The following REV3L variants were observed in gnomAD, a reference collection of about 807,000 sequenced individuals.
REV3L encodes the protein DNA polymerase zeta catalytic subunit.
A neutral mutation model predicts 299.4 loss-of-function variants in REV3L; 69 were observed. The ratio of observed to expected loss-of-function variants is 0.23; its 90% CI spans 0.19 to 0.28. REV3L has a LOEUF of 0.28. Ranked by LOEUF, REV3L falls within the 10% of genes least tolerant of loss-of-function variation. The pLI is 1.00. For synonymous variants in REV3L, 1,238 were observed against 1,271.4 expected, an observed-to-expected ratio of 0.97 and a Z score of 0.56; for missense variants, 3,128 against 3,693.8, an observed-to-expected ratio of 0.85 and a Z score of 3.97.
intron 10 of REV3L, 48 bp downstream of exon 10, chr6:111,381,277 T>A (rs781262534): frequency 6.3e-7 from 1 of 1,596,346 alleles, no homozygotes; most frequent in Non-Finnish European, 8.5e-7. Context: ...CAACACACAT[T>A]TTCTCTGAAT....
At chr6:111,309,740 T>A (rs1451998200) in intron 30 of REV3L, 113 bp downstream of exon 30, 48 of 1,234,514 alleles carry the variant, frequency 3.9e-5, no homozygotes, top group Non-Finnish European at 5.1e-5. Flanking sequence ...GGGACCACAC[T>A]CTTCCCTTCC....
intron 17 of REV3L, 92 bp downstream of exon 17, chr6:111,358,730 C>T: frequency 1.0e-6 from 1 of 964,018 alleles, no homozygotes; most frequent in Non-Finnish European, 1.5e-6. Context: ...AGTCATCATG[C>T]TTGCTTAGAT....
chr6:111,481,565 A>G (rs1489902842), intron 1 of REV3L, among the ~76,000 whole-genome samples: 4 of 152,234 alleles, frequency 2.6e-5, no homozygotes, highest in Admixed American at 2.6e-4. Flanking sequence ...TGTTTGGGAA[A>G]GCGCTATTAT....
chr6:111,319,417 C>G (rs528782413), intron 26 of REV3L, among the ~76,000 whole-genome samples: 1 of 151,596 alleles, frequency 6.6e-6, no homozygotes, highest in African/African-American at 2.4e-5. Context: ...GCTGAGATTG[C>G]GCCACTGCAC....
intron 26 of REV3L, 200 bp from the exon 27 acceptor site, chr6:111,315,581 T>G (rs1202351258): frequency 1.8e-6 from 1 of 555,496 alleles, no homozygotes; most frequent in African/African-American, 1.9e-5. Flanking sequence ...TACAAATCTT[T>G]TAAGACATCC....
At chr6:111,303,690 AC>A (rs1562475857) in intron 31 of REV3L, among the ~76,000 whole-genome samples, 24 of 27,042 alleles carry the variant, frequency 8.9e-4, no homozygotes, top group Admixed American at 2.1e-3. Context: ...TTTTTTTTTA[AC>A]AGACTATGAC....
intron 30 of REV3L, among the ~76,000 whole-genome samples, chr6:111,308,509 C>G (rs973020591): frequency 1.3e-5 from 2 of 152,154 alleles, no homozygotes; most frequent in Non-Finnish European, 2.9e-5. Flanking sequence ...GGTACTTGAA[C>G]TACGGTTTCT....
intron 1 of REV3L, among the ~76,000 whole-genome samples, chr6:111,424,742 C>T (rs967198440): frequency 3.9e-5 from 6 of 152,192 alleles, no homozygotes; most frequent in African/African-American, 1.4e-4. Flanking sequence ...ATTCCCAGCA[C>T]TTGCCTTTAT....
intron 1 of REV3L, among the ~76,000 whole-genome samples, chr6:111,424,004 A>T (rs1785879315): frequency 6.6e-6 from 1 of 152,198 alleles, no homozygotes. Flanking sequence ...GAGCTAGAGA[A>T]GAAGACAGAT....
chr6:111,335,242 A>ATAT (rs1291980342), intron 22 of REV3L, among the ~76,000 whole-genome samples: 2 of 152,180 alleles, frequency 1.3e-5, no homozygotes, highest in Non-Finnish European at 2.9e-5. Flanking sequence ...ATATTCAGGA[A>ATAT]TATTATATCC....
intron 1 of REV3L, among the ~76,000 whole-genome samples, chr6:111,439,353 T>C (rs550209735): frequency 6.6e-6 from 1 of 152,188 alleles, no homozygotes; most frequent in East Asian, 1.9e-4. Context: ...GCGGTGGTGG[T>C]TCAAGAAGTT....
intron 3 of REV3L, 57 bp downstream of exon 3, chr6:111,411,420 TTTA>T: frequency 8.8e-7 from 1 of 1,130,320 alleles, no homozygotes; most frequent in Non-Finnish European, 1.3e-6. Flanking sequence ...CTAGATTTTT[TTTA>T]TTATTAAAAT....
chr6:111,424,208 T>C (rs910735887), intron 1 of REV3L, among the ~76,000 whole-genome samples: 6 of 152,174 alleles, frequency 3.9e-5, no homozygotes, highest in African/African-American at 7.2e-5. Context: ...TAGTGAAAAT[T>C]TGATAATATA....
intron 1 of REV3L, among the ~76,000 whole-genome samples, chr6:111,458,137 A>G (rs1010021365): frequency 2.6e-5 from 4 of 152,138 alleles, no homozygotes; most frequent in African/African-American, 4.8e-5. Context: ...TTGGTTCAAC[A>G]TATGCAAATC....
At chr6:111,403,022 T>C (rs1231973245) in intron 4 of REV3L, among the ~76,000 whole-genome samples, 1 of 152,112 alleles carries the variant, frequency 6.6e-6, no homozygotes, top group Admixed American at 6.5e-5. Context: ...TAGGAATAAA[T>C]AAAATGTAGT....
At chr6:111,377,864 C>A in intron 11 of REV3L, 21 bp from the exon 12 acceptor site, 1 of 1,595,796 alleles carries the variant, frequency 6.3e-7, no homozygotes, top group South Asian at 1.1e-5. Context: ...TTAAAATTCA[C>A]TGGTGAGCAT....
At chr6:111,303,096 T>A (rs563340439) in intron 31 of REV3L, among the ~76,000 whole-genome samples, 1 of 152,156 alleles carries the variant, frequency 6.6e-6, no homozygotes, top group South Asian at 2.1e-4. Context: ...ATTACCATTT[T>A]ATAGCATTGT....
intron 19 of REV3L, among the ~76,000 whole-genome samples, chr6:111,350,781 G>A (rs1777505492): frequency 6.6e-6 from 1 of 150,464 alleles, no homozygotes. Context: ...TAGAAATGGG[G>A]TCTCACTTTG....
At chr6:111,392,183 C>A (rs1782002551) in intron 5 of REV3L, among the ~76,000 whole-genome samples, 2 of 152,052 alleles carry the variant, frequency 1.3e-5, no homozygotes, top group Non-Finnish European at 2.9e-5. Context: ...AAACAATAAC[C>A]TCAAAAAATA....
Sources: gnomAD v4.1 joint callset for allele counts (sites outside exome capture counted in the v4.1 genomes callset) on GRCh38, gnomAD v4.1.1 for gene constraint, MANE v1.5 for transcripts, NCBI Gene and HGNC (gene_info 2026-07-23, HGNC 2026-07-21) for gene names.